Variants in SLC4A2 observed in about 807,000 individuals in gnomAD.
The protein encoded by SLC4A2 is anion exchange protein 2.
In SLC4A2, 36 loss-of-function variants were observed where a neutral mutation model predicts 115.0. That is an observed-to-expected ratio of 0.31 (90% CI 0.24 to 0.41). The LOEUF is 0.41. Ranked by LOEUF, SLC4A2 falls within the 10% of genes least tolerant of loss-of-function variation. The probability of loss-of-function intolerance (pLI) is 1.00; values close to 1 mark genes in which losing one functional copy is unlikely to be tolerated. For synonymous variants in SLC4A2, 708 were observed against 708.3 expected (o/e 1.00, Z 0.01); for missense variants, 1,252 against 1,705.6 (o/e 0.73, Z 4.68).
rs1797604090 is a variant in SLC4A2, at chr7:151,075,691, C to T, written c.3387C>T (p.Ser1129=). 7 of 1,612,508 alleles carry T rather than the reference C, an allele frequency of 4.3e-6. No homozygotes were observed. The highest frequency in any genetic ancestry group is 2.2e-5 in the East Asian group (1 of 44,820). ...FGIFLYMGVT[S]LNGIQFYERL... ...TTTTCCTGTACATGGGAGTCACCTC[C>T]CTTAACGGGATCCAGTTCTATGAGC... Residue 1129 remains serine, a synonymous_variant, in exon 21 of 23, where the codon TCC becomes TCT. Coordinates refer to ENST00000413384, the MANE Select transcript of SLC4A2 (RefSeq NM_003040.4).
At chr7:151,075,077 C>A in intron 19 of SLC4A2, 178 bp from the exon 20 acceptor site, 1 of 1,004,272 alleles carries the variant, frequency 1.0e-6, no homozygotes, top group Non-Finnish European at 1.5e-6. Flanking sequence ...CTGTCATGGA[C>A]GATAAGGGCT....
At chr7:151,065,087 G>A (rs540677476) in intron 5 of SLC4A2, 121 bp downstream of exon 5, 11 of 729,300 alleles carry the variant, frequency 1.5e-5, no homozygotes, top group South Asian at 6.7e-5. Flanking sequence ...TCCCAGGCCC[G>A]CACTCACTGG....
intron 8 of SLC4A2, among the ~76,000 whole-genome samples, chr7:151,068,406 C>A (rs1797310746): frequency 6.6e-6 from 1 of 152,192 alleles, no homozygotes; most frequent in African/African-American, 2.4e-5. Context: ...GCAGGACTTC[C>A]AAGCCCTGTG....
rs1797547291 is a variant in SLC4A2 at position 151,074,425 on chromosome 7, G to T, written c.2817G>T (p.Gly939=). Residue 939 remains glycine (G), a synonymous_variant, in exon 18 of 23, where the codon GGG becomes GGT. Coordinates refer to ENST00000413384, the MANE Select transcript of SLC4A2 (RefSeq NM_003040.4). ...GRIRRVIGDF[G]VPIAILIMVL... ...TCCGGCGGGTGATTGGGGACTTTGG[G>T]GTGCCCATCGCCATCCTCATCATGG... 1.2e-6 allele frequency: 2 copies of T among 1,613,886 alleles called. No homozygotes were observed. Among genetic ancestry groups the T allele is most frequent in the African/African-American group, 2.7e-5 (2 of 74,914 alleles).
At chr7:151,064,079 C>A in intron 2 of SLC4A2, 123 bp from the exon 3 acceptor site, 2 of 944,524 alleles carry the variant, frequency 2.1e-6, no homozygotes, top group Non-Finnish European at 1.6e-6. Flanking sequence ...GAGCCACCAG[C>A]ATTAGAGGAG....
At position 151,075,880 on chromosome 7, in the gene SLC4A2, C is replaced by T. The variant is rs1007503371; in HGVS notation, c.3471+105C>T. The T allele has an allele frequency of 6.4e-6, 9 of 1,414,792 alleles. No individual in the cohort carries two copies. The African/African-American group carries it at 1.0e-4, about 16-fold the overall frequency. 87.6% of individuals were successfully genotyped at this position (1,414,792 alleles called of 1,614,324 possible). A position where few individuals can be genotyped will look rare whatever the true frequency, so the allele number is the denominator to read the frequency against. The stretch of plus-strand genomic sequence containing the variant: ...TCCCATCTGCCCAGTTCAGCCAGCC[C>T]CCACCTCCTCTCTGTACCAACCCAG... On this transcript the variant is annotated intron_variant, in intron 21 of 22. Coordinates refer to ENST00000413384, the MANE Select transcript of SLC4A2 (RefSeq NM_003040.4).
chr7:151,075,874 C>A, intron 21 of SLC4A2, 99 bp downstream of exon 21: 2 of 1,411,214 alleles, frequency 1.4e-6, no homozygotes, highest in Non-Finnish European at 1.9e-6. Context: ...CCCAGTTCAG[C>A]CAGCCCCCAC....
intron 5 of SLC4A2, among the ~76,000 whole-genome samples, chr7:151,066,163 T>C (rs897125374): frequency 6.6e-6 from 1 of 152,196 alleles, no homozygotes. Flanking sequence ...GAGCTCCTTT[T>C]CTGCACCAGG....
chr7:151,062,699 G>C (rs1014779938), intron 2 of SLC4A2: 2 of 1,479,760 alleles, frequency 1.4e-6, no homozygotes, highest in South Asian at 1.3e-5. Context: ...CCCCATGGCG[G>C]CAAGCTCCCT....
chr7:151,067,452 C>T (rs1797273053), intron 7 of SLC4A2, among the ~76,000 whole-genome samples: 1 of 152,148 alleles, frequency 6.6e-6, no homozygotes, highest in African/African-American at 2.4e-5. Flanking sequence ...CATCTTAGAG[C>T]TTATTGACTT....
chr7:151,069,982 C>G lies in SLC4A2; in HGVS notation c.1183C>G (p.Pro395Ala). The G allele has an allele frequency of 6.2e-7, 1 of 1,614,020 alleles. No individual in the cohort carries two copies. Among genetic ancestry groups the G allele is most frequent in the South Asian group, 1.1e-5 (1 of 91,076 alleles). The part of the protein sequence containing the change: ...VLLDLDQQTL[P>A]GVAHQVVEQM... ...CTTGGATCTGGACCAGCAGACCCTG[C>G]CCGGAGTGGCCCACCAGGTGGTGGA... The change falls in exon 9 of 23, where the codon CCC becomes GCC. Residue 395 changes from proline (P) to alanine (A), a missense_variant. This residue lies in a region of SLC4A2 where 142 missense variants were observed against 153.5 expected (regional missense o/e 0.93). Coordinates refer to ENST00000413384, the MANE Select transcript of SLC4A2 (RefSeq NM_003040.4).
Position 151,066,908 on chromosome 7 carries a change from A to G in SLC4A2, c.881A>G (p.Lys294Arg). The G allele has an allele frequency of 6.2e-7, 1 of 1,613,686 alleles. No individual in the cohort carries two copies. The highest frequency in any genetic ancestry group is 1.3e-5 in the African/African-American group (1 of 75,034). ...VRRHLVRKNA[K>R]GSTQSGREGR... ...CGGCACTTGGTGCGGAAGAATGCCA[A>G]AGGTTCCACACAGAGTGGCCGAGAA... Residue 294 changes from lysine to arginine, a missense_variant, in exon 7 of 23, where the codon AAA becomes AGA. Around this residue, in one of 14 missense-constraint regions of SLC4A2, gnomAD observed 48 missense variants for 44.4 expected, o/e 1.08. Transcript: ENST00000413384.
intron 1 of SLC4A2, chr7:151,061,119 G>A (rs2150364723): frequency 6.6e-6 from 1 of 152,320 alleles, no homozygotes; most frequent in East Asian, 1.9e-4. Context: ...CCTGGCTCCA[G>A]GCTCTAGAGG....
Position 151,074,406 on chromosome 7 carries a change from G to A in SLC4A2, c.2798G>A (p.Arg933Gln), listed in dbSNP as rs1584999378. The A allele has an allele frequency of 2.5e-6, 4 of 1,613,886 alleles. No homozygotes were observed. The highest frequency in any genetic ancestry group is 1.1e-5 in the South Asian group (1 of 91,082). The change falls in exon 18 of 23, where the codon CGG becomes CAG. Residue 933 changes from arginine to glutamine, a missense_variant. Physicochemically the swap from Arg to Gln is conservative, Grantham distance 43. This residue lies in a region of SLC4A2 where 253 missense variants were observed against 407.4 expected (regional missense o/e 0.62). Transcript: ENST00000413384. ...CTGTGCCTGCCCACTCAGATCCGGC[G>A]GGTGATTGGGGACTTTGGGGTGCCC... ...NSRFFPGRIR[R>Q]VIGDFGVPIA...
intron 1 of SLC4A2, among the ~76,000 whole-genome samples, chr7:151,061,024 C>T (rs62490286): frequency 1.3e-5 from 2 of 152,022 alleles, no homozygotes; most frequent in Non-Finnish European, 2.9e-5. Flanking sequence ...TCCTGCAGCT[C>T]CTTCTCTGCC....
chr7:151,071,307 G>A lies in SLC4A2; in HGVS notation c.1975+10G>A. 1.3e-6 allele frequency: 2 copies of A among 1,546,106 alleles called. No individual in the cohort carries two copies. The highest frequency in any genetic ancestry group is 1.7e-6 in the Non-Finnish European group (2 of 1,147,788). ...TCTGCCCAAGATAAGGGTACGGCCA[G>A]GGCGGGCTGGGGCCAGGGCTGCCTC... On this transcript the variant is annotated intron_variant, in intron 13 of 22. Coordinates refer to ENST00000413384, the MANE Select transcript of SLC4A2 (RefSeq NM_003040.4). This position sits in a 1 kb window ranked among gnomAD's most constrained non-coding sequence, Gnocchi z 5.5.
intron 19 of SLC4A2, 109 bp from the exon 20 acceptor site, chr7:151,075,146 G>A (rs377532944): frequency 6.3e-6 from 9 of 1,435,464 alleles, no homozygotes; most frequent in Admixed American, 3.7e-5. Flanking sequence ...GACAGGGACC[G>A]CCAGGTTCCA....
At position 151,069,970 on chromosome 7, in the gene SLC4A2, C is replaced by G. The variant is rs745653164; in HGVS notation, c.1171C>G (p.Gln391Glu). Residue 391 changes from glutamine (Q) to glutamate (E), a missense_variant, in exon 9 of 23, where the codon CAG becomes GAG. Transcript: ENST00000413384. ...AHGAVLLDLD[Q>E]QTLPGVAHQV... ...AGGGGCTGTGCTCTTGGATCTGGACCAGCAGACCCTGCCCGGAGTGGCCCA... is the reference window on the plus strand; with the variant it reads ...AGGGGCTGTGCTCTTGGATCTGGACGAGCAGACCCTGCCCGGAGTGGCCCA... 1 of 1,614,032 alleles carries G rather than the reference C, an allele frequency of 6.2e-7. No homozygotes were observed. Among genetic ancestry groups the G allele is most frequent in the South Asian group, 1.1e-5 (1 of 91,092 alleles).
Position 151,059,830 on chromosome 7 carries a change from G to A in SLC4A2, c.-64+68G>A, listed in dbSNP as rs1385918812. 1 of 151,242 alleles carries A rather than the reference G, an allele frequency of 6.6e-6. No individual in the cohort carries two copies. Among genetic ancestry groups the A allele is most frequent in the African/African-American group, 2.4e-5 (1 of 41,128 alleles). The allele number at this position is 151,242 out of a possible 1,614,324, so 9.4% of individuals were successfully genotyped here. On this transcript the variant is annotated intron_variant, in intron 1 of 22. Coordinates refer to ENST00000413384, the MANE Select transcript of SLC4A2 (RefSeq NM_003040.4). The surrounding 1 kb of genome is among the most constrained non-coding windows in gnomAD (Gnocchi z 5.8). Reference sequence around the variant, plus strand: ...GGGAGGAAGGGAGGGGGAAGGAGAGGGGGGAACTCGGGACTCGAGCGGGGA... The same window carrying A: ...GGGAGGAAGGGAGGGGGAAGGAGAGAGGGGAACTCGGGACTCGAGCGGGGA...
Sources: allele counts gnomAD v4.1 joint callset (sites outside exome capture counted in the v4.1 genomes callset), GRCh38; gene constraint gnomAD v4.1.1; regional missense constraint gnomAD v4.1.1; non-coding constraint Gnocchi (gnomAD v3.1); transcripts MANE v1.5; gene names NCBI Gene and HGNC (gene_info 2026-07-23, HGNC 2026-07-21).